KCNAB1: variants seen among roughly 807,000 people sequenced by gnomAD.
KCNAB1 encodes voltage-gated potassium channel subunit beta-1.
KCNAB1 carries 35 observed loss-of-function variants against 64.6 expected under a neutral mutation model. The observed-to-expected ratio is 0.54, with a 90% CI of 0.41 to 0.72. KCNAB1 has a LOEUF of 0.72. Ranked by LOEUF, KCNAB1 falls within the 30% of genes least tolerant of loss-of-function variation. KCNAB1 has a pLI of 0.00. For synonymous variants in KCNAB1, 177 were observed against 183.8 expected, an observed-to-expected ratio of 0.96 and a Z score of 0.30; for missense variants, 401 against 512.9, an observed-to-expected ratio of 0.78 and a Z score of 2.11.
At chr3:156,432,309 G>T (rs2108244983) in intron 2 of KCNAB1, among the ~76,000 whole-genome samples, 1 of 152,240 alleles carries the variant, frequency 6.6e-6, no homozygotes, top group African/African-American at 2.4e-5. Flanking sequence ...TTCCATTGCA[G>T]GGTAAATATA....
chr3:156,247,425 G>GT (rs879552638), intron 1 of KCNAB1, among the ~76,000 whole-genome samples: 13 of 151,338 alleles, frequency 8.6e-5, no homozygotes, highest in Admixed American at 2.0e-4. Context: ...TGTTCACTTG[G>GT]TTTTTTTTTG....
chr3:156,207,624 G>A (rs1200095468), intron 1 of KCNAB1, among the ~76,000 whole-genome samples: 1 of 152,174 alleles, frequency 6.6e-6, no homozygotes, highest in Non-Finnish European at 1.5e-5. Context: ...GCCGCTACAT[G>A]AAATATTATC....
At chr3:156,382,950 C>G (rs1475657257) in intron 1 of KCNAB1, among the ~76,000 whole-genome samples, 1 of 152,244 alleles carries the variant, frequency 6.6e-6, no homozygotes, top group African/African-American at 2.4e-5. Context: ...GATTTGTACA[C>G]AGTCAGCCTG....
intron 1 of KCNAB1, among the ~76,000 whole-genome samples, chr3:156,161,399 G>C (rs1716066508): frequency 6.6e-6 from 1 of 151,994 alleles, no homozygotes. Flanking sequence ...CCCTTTTATT[G>C]ATGACCTAAC....
chr3:156,127,884 G>GGTGTGTGTGTGTGT (rs10576749), intron 1 of KCNAB1, among the ~76,000 whole-genome samples: 317 of 147,654 alleles, frequency 2.1e-3, no homozygotes, highest in Middle Eastern at 6.9e-3. Context: ...CTTCATTTGG[G>GGTGTGTGTGTGTGT]GTGTGTGTGT....
chr3:156,133,255 C>T (rs894850191), intron 1 of KCNAB1, among the ~76,000 whole-genome samples: 44 of 152,254 alleles, frequency 2.9e-4, no homozygotes, highest in Middle Eastern at 3.4e-3. Context: ...GTAATTTGAA[C>T]GATGTGACTA....
At chr3:156,270,408 T>C (rs1718963408) in intron 1 of KCNAB1, among the ~76,000 whole-genome samples, 1 of 152,160 alleles carries the variant, frequency 6.6e-6, no homozygotes, top group South Asian at 2.1e-4. Flanking sequence ...TGATTTTCTC[T>C]GGTGGTATGT....
At chr3:156,174,332 A>G (rs1327531688) in intron 1 of KCNAB1, among the ~76,000 whole-genome samples, 1 of 152,212 alleles carries the variant, frequency 6.6e-6, no homozygotes, top group African/African-American at 2.4e-5. Flanking sequence ...TAGAAACATT[A>G]TGTAGCTGAC....
intron 8 of KCNAB1, among the ~76,000 whole-genome samples, chr3:156,492,255 A>G (rs533681448): frequency 3.3e-5 from 5 of 152,182 alleles, no homozygotes; most frequent in Admixed American, 2.0e-4. Context: ...AGAATAAAAA[A>G]GAAGATAAAA....
intron 1 of KCNAB1, among the ~76,000 whole-genome samples, chr3:156,140,459 C>T (rs937808746): frequency 6.6e-6 from 1 of 152,142 alleles, no homozygotes; most frequent in African/African-American, 2.4e-5. Context: ...TCTCTCCTTC[C>T]AGTGTCCTTA....
chr3:156,471,610 CT>C (rs770349182), intron 7 of KCNAB1, among the ~76,000 whole-genome samples: 11 of 152,236 alleles, frequency 7.2e-5, no homozygotes, highest in Non-Finnish European at 1.3e-4. Flanking sequence ...GGCTGCCCAG[CT>C]GCCCTTCTGG....
rs181598267 is a variant in KCNAB1, at chr3:156,222,798, T to C, written c.275+101912T>C. ...AGGAACCTTCAAAACCATGCAAATA[T>C]ATGGAAATTAAATAACCTGATCCTG... On this transcript the variant is annotated intron_variant, in intron 1 of 13. Transcript: ENST00000490337. Among the ~76,000 whole-genome samples the C allele has an allele frequency of 2.0e-5, 3 of 152,264 alleles. No homozygotes were observed. In the East Asian group the frequency reaches 5.8e-4, roughly 29 times the overall value.
At chr3:156,203,807 A>G (rs570409577) in intron 1 of KCNAB1, among the ~76,000 whole-genome samples, 2 of 152,332 alleles carry the variant, frequency 1.3e-5, no homozygotes, top group African/African-American at 4.8e-5. Flanking sequence ...TGTTTTTCAA[A>G]TCTTACAGAA....
intron 1 of KCNAB1, among the ~76,000 whole-genome samples, chr3:156,397,407 G>A (rs1713540993): frequency 6.6e-6 from 1 of 152,206 alleles, no homozygotes; most frequent in Non-Finnish European, 1.5e-5. Context: ...TTTTGCAAAT[G>A]TCTGAACCGT....
chr3:156,224,456 G>A (rs1170471412), intron 1 of KCNAB1, among the ~76,000 whole-genome samples: 12 of 151,604 alleles, frequency 7.9e-5, no homozygotes, highest in Non-Finnish European at 1.8e-4. Context: ...GCAAGCGAGG[G>A]CTGCGAGGGC....
rs531653665 is a variant in KCNAB1, at chr3:156,265,875, C to T, written c.275+144989C>T. 1.3e-3 allele frequency among the ~76,000 whole-genome samples: 197 copies of T among 152,240 alleles called. No individual in the cohort carries two copies. In the South Asian group the frequency reaches 0.017, roughly 13 times the overall value. ...GGTGTGGTAGCTCATGCCTGTAGTC[C>T]CAGCTACTTGGGAGGCTGAGGCAGG... On this transcript the variant is annotated intron_variant, in intron 1 of 13. Transcript: ENST00000490337.
At chr3:156,281,242 G>T (rs1220305073) in intron 1 of KCNAB1, among the ~76,000 whole-genome samples, 14 of 150,550 alleles carry the variant, frequency 9.3e-5, no homozygotes, top group Admixed American at 9.3e-4. Context: ...TTTGTCTTTG[G>T]CTCTGTTTAT....
chr3:156,332,668 C>T (rs886385136), intron 1 of KCNAB1, among the ~76,000 whole-genome samples: 1 of 152,308 alleles, frequency 6.6e-6, no homozygotes, highest in Non-Finnish European at 1.5e-5. Flanking sequence ...TTCCCTCCAG[C>T]AATCAGAGCA....
chr3:156,486,254 G>T (rs1377011783), intron 8 of KCNAB1, among the ~76,000 whole-genome samples: 1 of 152,042 alleles, frequency 6.6e-6, no homozygotes, highest in Admixed American at 6.6e-5. Flanking sequence ...TTAGGAGTTG[G>T]TTTTCTTCTA....
Sources: gnomAD v4.1 joint callset for allele counts (sites outside exome capture counted in the v4.1 genomes callset) on GRCh38, gnomAD v4.1.1 for gene constraint, MANE v1.5 for transcripts, NCBI Gene and HGNC (gene_info 2026-07-23, HGNC 2026-07-21) for gene names.